The following SCN2A variants were observed in gnomAD, a reference collection of about 807,000 sequenced individuals.
SCN2A encodes the protein sodium channel protein type 2 subunit alpha.
SCN2A carries 20 observed loss-of-function variants against 188.7 expected under a neutral mutation model. The observed-to-expected ratio is 0.11, with a 90% CI of 0.07 to 0.15. The LOEUF (loss-of-function observed/expected upper bound fraction) is 0.15. SCN2A is among the 10% of genes least tolerant of loss of function. The pLI, the probability that SCN2A is intolerant of heterozygous loss-of-function variation, is 1.00. For missense variants in SCN2A, 1,278 were observed against 2,445.0 expected, an observed-to-expected ratio of 0.52 and a Z score of 10.07; for synonymous variants, 804 against 833.1, an observed-to-expected ratio of 0.97 and a Z score of 0.60.
At chr2:165,310,779 T>C (rs1209088266) in intron 7 of SCN2A, 184 bp downstream of exon 7, 2 of 376,744 alleles carry the variant, frequency 5.3e-6, no homozygotes, top group East Asian at 4.4e-5. Flanking sequence ...TCCATTGATA[T>C]AGTAAAAGTT....
intron 11 of SCN2A, among the ~76,000 whole-genome samples, chr2:165,316,147 G>A (rs1171671898): frequency 6.6e-6 from 1 of 152,116 alleles, no homozygotes; most frequent in African/African-American, 2.4e-5. Context: ...GACTCTTTTA[G>A]GCCACCTGCG....
intron 17 of SCN2A, among the ~76,000 whole-genome samples, chr2:165,357,759 T>A (rs1230613016): frequency 6.6e-6 from 1 of 152,186 alleles, no homozygotes; most frequent in African/African-American, 2.4e-5. Context: ...CGCTTACCAT[T>A]CTTACTTCTC....
chr2:165,370,372 G>GT, intron 20 of SCN2A, 73 bp downstream of exon 20: 1 of 1,419,538 alleles, frequency 7.0e-7, no homozygotes, highest in Admixed American at 1.7e-5. Flanking sequence ...GCCTGACACA[G>GT]TGTAGGCACT....
At chr2:165,250,806 A>T (rs1694058157) in intron 1 of SCN2A, among the ~76,000 whole-genome samples, 1 of 152,080 alleles carries the variant, frequency 6.6e-6, no homozygotes, top group Admixed American at 6.6e-5. Flanking sequence ...TGTTTTTTGC[A>T]GGAATTTCAA....
intron 11 of SCN2A, 104 bp downstream of exon 11, chr2:165,315,862 C>A: frequency 7.8e-7 from 1 of 1,276,750 alleles, no homozygotes; most frequent in Non-Finnish European, 1.1e-6. Flanking sequence ...TGGCACAATG[C>A]TTTCAGAGTA....
rs946393942 is a variant in SCN2A, at chr2:165,374,757, C to T, written c.4045C>T (p.Leu1349=). The T allele has an allele frequency of 2.0e-5, 33 of 1,613,258 alleles. No individual in the cohort carries two copies. Among genetic ancestry groups the T allele is most frequent in the Non-Finnish European group, 2.7e-5 (32 of 1,179,570 alleles). The part of the protein sequence containing the change: ...NVLLVCLIFW[L]IFSIMGVNLF... ...ACTTCTGGTTTGTCTGATCTTTTGG[C>T]TAATATTCAGTATCATGGGAGTGAA... The change falls in exon 22 of 27, where the codon CTA becomes TTA. Residue 1349 remains leucine, a synonymous_variant. Transcript: ENST00000375437.
intron 17 of SCN2A, 30 bp downstream of exon 17, chr2:165,354,701 G>A: frequency 6.2e-7 from 1 of 1,606,638 alleles, no homozygotes; most frequent in Non-Finnish European, 8.5e-7. Context: ...GAGATATTTT[G>A]GTGTTATATA....
At chr2:165,365,391 A>ATCTG in intron 18 of SCN2A, 128 bp downstream of exon 18, 2 of 1,056,836 alleles carry the variant, frequency 1.9e-6, no homozygotes, top group South Asian at 1.4e-5. Context: ...CTATCTATCT[A>ATCTG]TCTATCTAGT....
intron 8 of SCN2A, among the ~76,000 whole-genome samples, chr2:165,313,219 C>T (rs1198847396): frequency 6.6e-6 from 1 of 151,988 alleles, no homozygotes; most frequent in African/African-American, 2.4e-5. Context: ...GCAGCATGCC[C>T]CACCTATCCT....
intron 16 of SCN2A, among the ~76,000 whole-genome samples, chr2:165,350,981 T>C (rs1699880296): frequency 6.6e-6 from 1 of 152,214 alleles, no homozygotes; most frequent in South Asian, 2.1e-4. Flanking sequence ...AAAGGTTCAC[T>C]ATGTGCCAAG....
chr2:165,265,298 G>C (rs6432816), intron 1 of SCN2A, among the ~76,000 whole-genome samples: 55,030 of 149,284 alleles, frequency 0.37, 10,452 homozygotes, highest in African/African-American at 0.47. Flanking sequence ...TTCTTCTTTT[G>C]AGAAGTGTCT....
intron 1 of SCN2A, among the ~76,000 whole-genome samples, chr2:165,260,679 T>C (rs1479203854): frequency 6.6e-6 from 1 of 151,678 alleles, no homozygotes; most frequent in East Asian, 1.9e-4. Context: ...TATAAAATGG[T>C]GTGGTGGCCA....
chr2:165,280,449 A>G (rs969521744), intron 1 of SCN2A, among the ~76,000 whole-genome samples: 4 of 152,028 alleles, frequency 2.6e-5, no homozygotes, highest in African/African-American at 9.7e-5. Context: ...CTGGCAGGTG[A>G]GTGTTTCTGC....
At chr2:165,264,430 C>T (rs371521489) in intron 1 of SCN2A, among the ~76,000 whole-genome samples, 1 of 152,204 alleles carries the variant, frequency 6.6e-6, no homozygotes, top group African/African-American at 2.4e-5. Flanking sequence ...TCAACAAAAT[C>T]AGCATAGAAG....
In SCN2A at chr2:165,390,871, T is replaced by C. The variant is rs1295006527; in HGVS notation, c.*1047T>C. The C allele has an allele frequency of 6.6e-6, 1 of 152,582 alleles. No individual in the cohort carries two copies. The highest frequency in any genetic ancestry group is 1.5e-5 in the Non-Finnish European group (1 of 68,014). The allele number at this position is 152,582 out of a possible 1,614,324, so 9.5% of individuals were successfully genotyped here. A position where few individuals can be genotyped will look rare whatever the true frequency, so the allele number is the denominator to read the frequency against. On this transcript the variant is annotated 3_prime_UTR_variant, in exon 27 of 27. Transcript: ENST00000375437. ...GTATTGTTTAGCCATCTTCTGCTCT[T>C]GGTAAGGTTGACATAGTATATGTCA... is the stretch of plus-strand genomic sequence containing the variant.
chr2:165,379,802 A>G (rs769853508), intron 23 of SCN2A, among the ~76,000 whole-genome samples: 15 of 151,726 alleles, frequency 9.9e-5, no homozygotes, highest in African/African-American at 3.6e-4. Flanking sequence ...ACTTGCATCT[A>G]TTATCATCAT....
At chr2:165,354,810 A>G in intron 17 of SCN2A, 139 bp downstream of exon 17, 2 of 837,878 alleles carry the variant, frequency 2.4e-6, no homozygotes, top group Non-Finnish European at 3.6e-6. Context: ...TTCCATGGAA[A>G]AGTTGGTAAT....
chr2:165,387,000 C>A lies in SCN2A; in HGVS notation c.4806C>A (p.Val1602=). The change falls in exon 26 of 27, where the codon GTC becomes GTA. Residue 1602 remains valine, a synonymous_variant. Transcript: ENST00000375437. ...IGWNIFDFVV[V]ILSIVGMFLA... ...GGAATATTTTTGATTTTGTGGTGGTCATTCTCTCCATTGTAGGTAAGAAGA... is the reference window on the plus strand; with the variant it reads ...GGAATATTTTTGATTTTGTGGTGGTAATTCTCTCCATTGTAGGTAAGAAGA... 2 of 1,613,516 alleles carry A rather than the reference C, an allele frequency of 1.2e-6. No homozygotes were observed. Among genetic ancestry groups the A allele is most frequent in the South Asian group, 2.2e-5 (2 of 90,978 alleles).
intron 19 of SCN2A, among the ~76,000 whole-genome samples, 173 bp downstream of exon 19, chr2:165,367,544 T>C (rs781129525): frequency 6.6e-6 from 1 of 152,358 alleles, no homozygotes; most frequent in South Asian, 2.1e-4. Flanking sequence ...TTTGTCACTC[T>C]GTCTGGAGTA....
Sources: gnomAD v4.1 joint callset for allele counts (sites outside exome capture counted in the v4.1 genomes callset) on GRCh38, gnomAD v4.1.1 for gene constraint, MANE v1.5 for transcripts, NCBI Gene and HGNC (gene_info 2026-07-23, HGNC 2026-07-21) for gene names.